PLCB1: variants seen among roughly 807,000 people sequenced by gnomAD.
PLCB1 encodes the protein 1-phosphatidylinositol 4,5-bisphosphate phosphodiesterase beta-1.
PLCB1 carries 46 observed loss-of-function variants against 161.8 expected under a neutral mutation model. The ratio of observed to expected loss-of-function variants is 0.28; its 90% CI spans 0.22 to 0.36. The LOEUF is 0.36. Ranked by LOEUF, PLCB1 falls within the 10% of genes least tolerant of loss-of-function variation. PLCB1 has a pLI of 1.00. For missense variants in PLCB1, 1,016 were observed against 1,472.5 expected (o/e 0.69, Z 5.07); for synonymous variants, 517 against 503.7 (o/e 1.03, Z -0.35).
chr20:8,676,654 A>T (rs1004463238), intron 9 of PLCB1, among the ~76,000 whole-genome samples: 1 of 151,094 alleles, frequency 6.6e-6, no homozygotes, highest in African/African-American at 2.4e-5. Flanking sequence ...ACTCCGAAAG[A>T]TACAAAGGAA....
rs527885923 is a variant in PLCB1, at chr20:8,169,074, A to G, written c.177+18703A>G. 3.6e-4 allele frequency among the ~76,000 whole-genome samples: 55 copies of G among 152,170 alleles called. 1 individual carries two copies. The highest frequency in any genetic ancestry group is 1.3e-3 in the African/African-American group (54 of 41,530). Reference sequence around the variant, plus strand: ...TTTTAGCTGAGTGTGCTCTTGGAAGATGCAGGCATCAGTGTATTTATATCT... The same window carrying G: ...TTTTAGCTGAGTGTGCTCTTGGAAGGTGCAGGCATCAGTGTATTTATATCT... On this transcript the variant is annotated intron_variant, in intron 2 of 31. Transcript: ENST00000338037.
intron 3 of PLCB1, among the ~76,000 whole-genome samples, chr20:8,600,433 C>T (rs1327171418): frequency 6.8e-6 from 1 of 146,728 alleles, no homozygotes; most frequent in Non-Finnish European, 1.5e-5. Context: ...GTCAGGGACC[C>T]ACTTGAGGAG....
intron 3 of PLCB1, among the ~76,000 whole-genome samples, chr20:8,546,719 C>T (rs1332760996): frequency 6.6e-6 from 1 of 151,814 alleles, no homozygotes; most frequent in African/African-American, 2.4e-5. Flanking sequence ...AACACCATTA[C>T]CAATGTTGTG....
chr20:8,529,599 G>T (rs1984718715), intron 3 of PLCB1, among the ~76,000 whole-genome samples: 1 of 150,474 alleles, frequency 6.6e-6, no homozygotes, highest in African/African-American at 2.5e-5. Flanking sequence ...TTGTGTTGCT[G>T]GTCATTTTAA....
At chr20:8,551,115 A>G (rs1287304416) in intron 3 of PLCB1, among the ~76,000 whole-genome samples, 1 of 152,196 alleles carries the variant, frequency 6.6e-6, no homozygotes, top group Non-Finnish European at 1.5e-5. Context: ...TTCATCATAA[A>G]TCACTCATAA....
At chr20:8,262,886 C>T (rs937961673) in intron 2 of PLCB1, among the ~76,000 whole-genome samples, 1 of 152,102 alleles carries the variant, frequency 6.6e-6, no homozygotes, top group Admixed American at 6.6e-5. Flanking sequence ...GAGAAAGATT[C>T]GTCTTCCTCT....
chr20:8,836,124 G>C (rs1986274455), intron 31 of PLCB1, among the ~76,000 whole-genome samples: 1 of 152,064 alleles, frequency 6.6e-6, no homozygotes. Context: ...ATCAAAGCTT[G>C]CTCAAAAGCA....
intron 3 of PLCB1, among the ~76,000 whole-genome samples, chr20:8,584,471 T>C (rs570854595): frequency 7.3e-4 from 84 of 115,154 alleles, no homozygotes; most frequent in Admixed American, 2.2e-3. Context: ...CACACACACA[T>C]ACACACACAC....
intron 9 of PLCB1, among the ~76,000 whole-genome samples, chr20:8,678,822 A>G (rs911597135): frequency 2.0e-5 from 3 of 152,154 alleles, no homozygotes; most frequent in South Asian, 4.1e-4. Context: ...ATCAAAATGA[A>G]TTGCTTCTTT....
intron 3 of PLCB1, among the ~76,000 whole-genome samples, chr20:8,556,351 G>A (rs1332725911): frequency 6.6e-6 from 1 of 152,006 alleles, no homozygotes; most frequent in Non-Finnish European, 1.5e-5. Context: ...CCAAAACATA[G>A]AAAGGTAAAT....
chr20:8,874,694 C>T (rs1255919416), intron 31 of PLCB1, among the ~76,000 whole-genome samples: 1 of 151,956 alleles, frequency 6.6e-6, no homozygotes, highest in East Asian at 1.9e-4. Flanking sequence ...TGTGGCAAAA[C>T]ATTGAAATTA....
intron 4 of PLCB1, among the ~76,000 whole-genome samples, chr20:8,644,602 C>CCGCCCCG: frequency 6.6e-6 from 1 of 151,742 alleles, no homozygotes; most frequent in Admixed American, 6.6e-5. Flanking sequence ...CGCCTGGCAG[C>CCGCCCCG]TGCCCTGTCT....
intron 3 of PLCB1, among the ~76,000 whole-genome samples, chr20:8,480,748 G>A (rs1436367638): frequency 6.6e-6 from 1 of 152,174 alleles, no homozygotes; most frequent in East Asian, 1.9e-4. Flanking sequence ...CAGCTACATG[G>A]TGTTATAAGC....
chr20:8,797,930 A>G (rs964396469), intron 31 of PLCB1, among the ~76,000 whole-genome samples: 4 of 152,222 alleles, frequency 2.6e-5, no homozygotes, highest in Non-Finnish European at 5.9e-5. Context: ...ATGGTGGCTT[A>G]TGTCTGTAAT....
At chr20:8,722,528 G>A in intron 15 of PLCB1, 107 bp downstream of exon 15, 1 of 659,802 alleles carries the variant, frequency 1.5e-6, no homozygotes, top group Non-Finnish European at 2.4e-6. Flanking sequence ...GTAGATTTGT[G>A]CCTTCCAATT....
At chr20:8,374,949 G>GT (rs1323455777) in intron 3 of PLCB1, among the ~76,000 whole-genome samples, 8 of 152,196 alleles carry the variant, frequency 5.3e-5, no homozygotes, top group African/African-American at 1.4e-4. Flanking sequence ...AAAATGAACT[G>GT]TTTTTTGTGC....
chr20:8,238,870 G>A (rs1430006664), intron 2 of PLCB1, among the ~76,000 whole-genome samples: 1 of 150,582 alleles, frequency 6.6e-6, no homozygotes, highest in Non-Finnish European at 1.5e-5. Context: ...GGTGGCTGGG[G>A]GGAAGACATC....
intron 31 of PLCB1, among the ~76,000 whole-genome samples, chr20:8,837,286 C>A (rs1411781124): frequency 6.6e-6 from 1 of 152,074 alleles, no homozygotes; most frequent in Non-Finnish European, 1.5e-5. Context: ...AGGTGACGTA[C>A]AAAGTGCAAC....
intron 3 of PLCB1, among the ~76,000 whole-genome samples, chr20:8,408,583 A>T (rs1006948944): frequency 6.6e-6 from 1 of 152,196 alleles, no homozygotes; most frequent in African/African-American, 2.4e-5. Context: ...TGATATTTTA[A>T]ATCAGATGCA....
Sources: gnomAD v4.1 joint callset for allele counts (sites outside exome capture counted in the v4.1 genomes callset) on GRCh38, gnomAD v4.1.1 for gene constraint, MANE v1.5 for transcripts, NCBI Gene and HGNC (gene_info 2026-07-23, HGNC 2026-07-21) for gene names.